The following PLCXD3 variants were observed in gnomAD, a reference collection of about 807,000 sequenced individuals.
PLCXD3 encodes the protein phosphatidylinositol specific phospholipase C X domain containing 3, also known as PI-PLC X domain-containing protein 3.
A neutral mutation model predicts 25.5 loss-of-function variants in PLCXD3; 19 were observed. The observed-to-expected ratio is 0.75, with a 90% CI of 0.52 to 1.09. The LOEUF (loss-of-function observed/expected upper bound fraction) is 1.09. PLCXD3 is among the 50% of genes least tolerant of loss of function. The probability of loss-of-function intolerance (pLI) is 0.00; values close to 1 mark genes in which losing one functional copy is unlikely to be tolerated. For missense variants in PLCXD3, 411 were observed against 388.1 expected, an observed-to-expected ratio of 1.06 and a Z score of -0.50; for synonymous variants, 174 against 137.6, an observed-to-expected ratio of 1.26 and a Z score of -1.85.
Position 41,309,274 on chromosome 5 carries a change from A to G in PLCXD3, c.*4343T>C, listed in dbSNP as rs1049405416. On this transcript the variant is annotated 3_prime_UTR_variant, in exon 3 of 3. Transcript: ENST00000377801. ...TACAAATTCTACAGAACACTTTATC[A>G]TTATCATTGGGAAAACAAACAATTT... 1.3e-5 allele frequency: 2 copies of G among 152,600 alleles called. No homozygotes were observed. The highest frequency in any genetic ancestry group is 4.8e-5 in the African/African-American group (2 of 41,460). 9.5% of individuals were successfully genotyped at this position (152,600 alleles called of 1,614,324 possible). A position where few individuals can be genotyped will look rare whatever the true frequency, so the allele number is the denominator to read the frequency against.
In PLCXD3 at chr5:41,381,825, C is replaced by A. The variant is rs779528410; in HGVS notation, c.812+1G>T. ...CCCCCTGACATTTTAAAGACACTTA[C>A]CTTTCTGTGATTGTTTCTCTGAGGC... On this transcript the variant is annotated splice_donor_variant, in intron 2 of 2. Transcript: ENST00000377801. LOFTEE classifies it high-confidence loss of function. The A allele has an allele frequency of 1.2e-6, 2 of 1,601,252 alleles. No homozygotes were observed. The highest frequency in any genetic ancestry group is 1.7e-6 in the Non-Finnish European group (2 of 1,174,284).
intron 1 of PLCXD3, among the ~76,000 whole-genome samples, chr5:41,421,614 T>C (rs1381753292): frequency 1.3e-5 from 2 of 152,240 alleles, no homozygotes; most frequent in African/African-American, 4.8e-5. Context: ...GGCAGGAGAA[T>C]GGCGTGAACC....
At chr5:41,399,571 G>C (rs1243776541) in intron 1 of PLCXD3, among the ~76,000 whole-genome samples, 1 of 152,000 alleles carries the variant, frequency 6.6e-6, no homozygotes, top group Non-Finnish European at 1.5e-5. Context: ...TTTAGATAAA[G>C]GTGCCATGAG....
intron 2 of PLCXD3, among the ~76,000 whole-genome samples, chr5:41,357,246 A>T (rs574462727): frequency 6.6e-6 from 1 of 152,362 alleles, no homozygotes; most frequent in African/African-American, 2.4e-5. Flanking sequence ...ACTATTCGTT[A>T]ATTGTGGCTT....
chr5:41,345,683 TACACACACAC>T (rs57657516), intron 2 of PLCXD3, among the ~76,000 whole-genome samples: 74 of 146,142 alleles, frequency 5.1e-4, no homozygotes, highest in African/African-American at 1.4e-3. Context: ...TACATATGTG[TACACACACAC>T]ACACACACAC....
intron 2 of PLCXD3, among the ~76,000 whole-genome samples, chr5:41,365,938 T>C (rs1351145871): frequency 2.0e-5 from 3 of 151,294 alleles, no homozygotes; most frequent in African/African-American, 7.3e-5. Context: ...TTTATTTATT[T>C]ATTTATTTAT....
At chr5:41,410,087 C>A (rs969971308) in intron 1 of PLCXD3, among the ~76,000 whole-genome samples, 3 of 151,728 alleles carry the variant, frequency 2.0e-5, no homozygotes, top group Admixed American at 2.0e-4. Flanking sequence ...GCCACAGCCT[C>A]TGGGGTACTT....
chr5:41,363,401 A>G (rs978257919), intron 2 of PLCXD3, among the ~76,000 whole-genome samples: 11 of 152,196 alleles, frequency 7.2e-5, no homozygotes, highest in Non-Finnish European at 1.3e-4. Context: ...ACTTTCTCCA[A>G]GAATTCAGGA....
intron 1 of PLCXD3, among the ~76,000 whole-genome samples, chr5:41,500,913 T>C (rs1218050616): frequency 6.6e-6 from 1 of 151,984 alleles, no homozygotes; most frequent in Non-Finnish European, 1.5e-5. Context: ...AGTATAGACA[T>C]TTCTCTAAAG....
intron 1 of PLCXD3, among the ~76,000 whole-genome samples, chr5:41,436,841 A>G (rs756545697): frequency 6.6e-6 from 1 of 152,234 alleles, no homozygotes; most frequent in Non-Finnish European, 1.5e-5. Context: ...TAATTTATCT[A>G]TAGAATTCAA....
rs1393097466 is a variant in PLCXD3, at chr5:41,510,552, G to T, written c.-26C>A. The T allele has an allele frequency of 1.3e-6, 2 of 1,594,986 alleles. No individual in the cohort carries two copies. Among genetic ancestry groups the T allele is most frequent in the Non-Finnish European group, 1.7e-6 (2 of 1,164,200 alleles). ...CGTGCCAGTCGGCGTGCAGCGCGCT[G>T]GTCCCAGCACTCCTCGGGCAGGCTG... On this transcript the variant is annotated 5_prime_UTR_variant, in exon 1 of 3. Transcript: ENST00000377801.
At chr5:41,352,634 G>A (rs1413011217) in intron 2 of PLCXD3, among the ~76,000 whole-genome samples, 1 of 152,184 alleles carries the variant, frequency 6.6e-6, no homozygotes, top group East Asian at 1.9e-4. Flanking sequence ...TAAGCATTCT[G>A]CACTAGTAGA....
intron 1 of PLCXD3, among the ~76,000 whole-genome samples, chr5:41,506,715 T>A (rs562041018): frequency 6.6e-6 from 1 of 152,242 alleles, no homozygotes; most frequent in Non-Finnish European, 1.5e-5. Context: ...GACTCAGAGC[T>A]GTTTAAACAC....
chr5:41,325,840 T>C (rs1417166554), intron 2 of PLCXD3, among the ~76,000 whole-genome samples: 4 of 152,208 alleles, frequency 2.6e-5, no homozygotes, highest in African/African-American at 9.6e-5. Flanking sequence ...TCTCAAAGTT[T>C]TGGAGACTTA....
chr5:41,390,501 T>G (rs1277751889), intron 1 of PLCXD3, among the ~76,000 whole-genome samples: 1 of 152,156 alleles, frequency 6.6e-6, no homozygotes, highest in Admixed American at 6.5e-5. Context: ...TTACTCCACA[T>G]GGTACCAATG....
At chr5:41,403,221 T>G (rs1746237584) in intron 1 of PLCXD3, among the ~76,000 whole-genome samples, 1 of 151,566 alleles carries the variant, frequency 6.6e-6, no homozygotes, top group South Asian at 2.1e-4. Context: ...CTATAAGAAT[T>G]TTCAATATCA....
At chr5:41,463,694 A>G (rs781035067) in intron 1 of PLCXD3, among the ~76,000 whole-genome samples, 1 of 152,014 alleles carries the variant, frequency 6.6e-6, no homozygotes, top group African/African-American at 2.4e-5. Flanking sequence ...CCCCAGCACT[A>G]AATTACCATA....
intron 1 of PLCXD3, among the ~76,000 whole-genome samples, chr5:41,412,275 A>G (rs1746571101): frequency 6.6e-6 from 1 of 152,182 alleles, no homozygotes; most frequent in South Asian, 2.1e-4. Context: ...TAGTCTTCAA[A>G]CATTGTTTAA....
intron 2 of PLCXD3, 130 bp downstream of exon 2, chr5:41,381,696 G>A (rs1370477215): frequency 1.4e-6 from 1 of 740,622 alleles, no homozygotes; most frequent in Admixed American, 3.1e-5. Flanking sequence ...AACCCAATTA[G>A]TGGTACTTTG....
Sources: gnomAD v4.1 joint callset for allele counts (sites outside exome capture counted in the v4.1 genomes callset) on GRCh38, gnomAD v4.1.1 for gene constraint, MANE v1.5 for transcripts, NCBI Gene and HGNC (gene_info 2026-07-23, HGNC 2026-07-21) for gene names.